TSPAN5: variants seen among roughly 807,000 people sequenced by gnomAD.
The protein encoded by TSPAN5 is tetraspanin 5.
A neutral mutation model predicts 37.1 loss-of-function variants in TSPAN5; 10 were observed. That is an observed-to-expected ratio of 0.27 (90% CI 0.17 to 0.46). The LOEUF is 0.46. TSPAN5 is among the 20% of genes least tolerant of loss of function. TSPAN5 has a pLI of 1.00. For missense variants in TSPAN5, 195 were observed against 326.6 expected (o/e 0.60, Z 3.11); for synonymous variants, 110 against 118.9 (o/e 0.93, Z 0.48).
chr4:98,609,564 TC>T (rs563762377), intron 1 of TSPAN5, among the ~76,000 whole-genome samples: 232 of 152,202 alleles, frequency 1.5e-3, no homozygotes, highest in African/African-American at 5.3e-3. Flanking sequence ...TGAAGGAAGC[TC>T]CCCACGAGCA....
intron 1 of TSPAN5, among the ~76,000 whole-genome samples, chr4:98,511,300 C>T (rs1450780699): frequency 6.6e-6 from 1 of 152,100 alleles, no homozygotes; most frequent in East Asian, 1.9e-4. Flanking sequence ...AAAGGGAATA[C>T]GTTCTGAGAA....
At chr4:98,474,093 T>C (rs1262116105) in intron 7 of TSPAN5, among the ~76,000 whole-genome samples, 2 of 152,262 alleles carry the variant, frequency 1.3e-5, no homozygotes, top group African/African-American at 4.8e-5. Context: ...GCTTTTGATG[T>C]CATATCTAAG....
intron 1 of TSPAN5, among the ~76,000 whole-genome samples, chr4:98,555,822 A>G (rs76562251): frequency 6.6e-6 from 1 of 152,190 alleles, no homozygotes. Flanking sequence ...TAATGACAAA[A>G]CAATAAACCA....
At position 98,505,101 on chromosome 4, in the gene TSPAN5, C is replaced by T. The variant is rs141537387; in HGVS notation, c.132+2577G>A. Among the ~76,000 whole-genome samples, 789 of 152,170 alleles carry T rather than the reference C, an allele frequency of 5.2e-3. 5 individuals carry two copies. The highest frequency in any genetic ancestry group is 0.018 in the African/African-American group (749 of 41,506). On this transcript the variant is annotated intron_variant, in intron 2 of 7. Coordinates refer to ENST00000305798, the MANE Select transcript of TSPAN5 (RefSeq NM_005723.4). The stretch of plus-strand genomic sequence containing the variant: ...TTACCTCCCCGCCAAAGCTTCACCT[C>T]CAAATATCATTACATTGGGGATGAG...
chr4:98,516,555 T>C (rs1753734265), intron 1 of TSPAN5, among the ~76,000 whole-genome samples: 1 of 152,230 alleles, frequency 6.6e-6, no homozygotes, highest in Admixed American at 6.5e-5. Context: ...GGGGGCATTC[T>C]GTTACATGCA....
At chr4:98,505,024 T>C (rs955763001) in intron 2 of TSPAN5, among the ~76,000 whole-genome samples, 2 of 152,084 alleles carry the variant, frequency 1.3e-5, no homozygotes, top group African/African-American at 4.8e-5. Flanking sequence ...TCTTCTGTTA[T>C]CAGAAGGGCA....
chr4:98,582,588 A>T (rs1003513006), intron 1 of TSPAN5, among the ~76,000 whole-genome samples: 7 of 152,208 alleles, frequency 4.6e-5, no homozygotes, highest in Non-Finnish European at 1.0e-4. Flanking sequence ...CTGTGATCTA[A>T]ACACTAGACT....
Position 98,471,950 on chromosome 4 carries a change from T to C in TSPAN5, c.*572A>G, listed in dbSNP as rs1291924152. On this transcript the variant is annotated 3_prime_UTR_variant, in exon 8 of 8. Transcript: ENST00000305798. ...GACCAAGTGTGCTCGCCCAAGTGAC[T>C]TGCTGAATACCATCACAAAATCTGA... 1.3e-5 allele frequency: 2 copies of C among 152,304 alleles called. No homozygotes were observed. The highest frequency in any genetic ancestry group is 2.9e-5 in the Non-Finnish European group (2 of 68,104). 9.4% of individuals were successfully genotyped at this position (152,304 alleles called of 1,614,324 possible). A position where few individuals can be genotyped will look rare whatever the true frequency, so the allele number is the denominator to read the frequency against.
intron 1 of TSPAN5, among the ~76,000 whole-genome samples, chr4:98,511,002 G>GA (rs1753593534): frequency 6.6e-6 from 1 of 152,078 alleles, no homozygotes; most frequent in African/African-American, 2.4e-5. Flanking sequence ...ACCTCCCAAA[G>GA]AAAAGACAAC....
intron 2 of TSPAN5, among the ~76,000 whole-genome samples, chr4:98,505,481 C>T (rs1420987522): frequency 2.6e-5 from 4 of 152,190 alleles, no homozygotes; most frequent in Non-Finnish European, 5.9e-5. Flanking sequence ...TTCCCCCATA[C>T]CCTGCAGATC....
chr4:98,607,843 T>A (rs1436464484), intron 1 of TSPAN5, among the ~76,000 whole-genome samples: 1 of 151,942 alleles, frequency 6.6e-6, no homozygotes, highest in Non-Finnish European at 1.5e-5. Context: ...CCTGAGTAGC[T>A]GGGATTACAA....
At chr4:98,481,747 C>A (rs960277591) in intron 4 of TSPAN5, among the ~76,000 whole-genome samples, 2 of 152,206 alleles carry the variant, frequency 1.3e-5, no homozygotes, top group African/African-American at 4.8e-5. Context: ...ATGATTATAA[C>A]GTTTTGCTCA....
Position 98,497,316 on chromosome 4 carries a change from CAAAAAAA to C in TSPAN5, c.132+10355_132+10361del, listed in dbSNP as rs398051229. On this transcript the variant is annotated intron_variant, in intron 2 of 7. Coordinates refer to ENST00000305798, the MANE Select transcript of TSPAN5 (RefSeq NM_005723.4). Reference sequence around the variant, plus strand: ...TGGGTGACACAGAGAGACTCCATCTCAAAAAAAAAAAAAAAAAAAGAAAAGGAAGAGA... The same window carrying C: ...TGGGTGACACAGAGAGACTCCATCTCAAAAAAAAAAAAGAAAAGGAAGAGA... 4.9e-5 allele frequency among the ~76,000 whole-genome samples: 5 copies of C among 101,854 alleles called. No individual in the cohort carries two copies. In the South Asian group the frequency reaches 1.4e-3, roughly 28 times the overall value. 66.8% of individuals were successfully genotyped at this position (101,854 alleles called of 152,430 possible).
chr4:98,621,611 G>A (rs1348013508), intron 1 of TSPAN5, among the ~76,000 whole-genome samples: 1 of 151,760 alleles, frequency 6.6e-6, no homozygotes, highest in Non-Finnish European at 1.5e-5. Flanking sequence ...CTCGTGATCC[G>A]CCCGCCTCAG....
chr4:98,650,054 G>A (rs1404378187), intron 1 of TSPAN5, among the ~76,000 whole-genome samples: 1 of 152,176 alleles, frequency 6.6e-6, no homozygotes, highest in East Asian at 1.9e-4. Context: ...GACTCTTTGA[G>A]ATGCTTACAA....
chr4:98,521,360 T>C (rs2110117600), intron 1 of TSPAN5, among the ~76,000 whole-genome samples: 1 of 152,320 alleles, frequency 6.6e-6, no homozygotes, highest in South Asian at 2.1e-4. Context: ...TTATAAAAGA[T>C]CGGAGTTCCC....
At chr4:98,493,505 A>G (rs1753130469) in intron 2 of TSPAN5, among the ~76,000 whole-genome samples, 1 of 152,234 alleles carries the variant, frequency 6.6e-6, no homozygotes, top group Admixed American at 6.5e-5. Flanking sequence ...TGAGATTCTG[A>G]ACAGTAGTAG....
Position 98,472,449 on chromosome 4 carries a change from G to C in TSPAN5, c.*73C>G. The C allele has an allele frequency of 7.2e-7, 1 of 1,380,110 alleles. No individual in the cohort carries two copies. The highest frequency in any genetic ancestry group is 1.0e-6 in the Non-Finnish European group (1 of 975,656). 85.5% of individuals were successfully genotyped at this position (1,380,110 alleles called of 1,614,324 possible). Reference sequence around the variant, plus strand: ...TGTGATTAGGTCCATGCAGCTCGAAGATCAGTTCGGCACGCGGGAGGGTCC... The same window carrying C: ...TGTGATTAGGTCCATGCAGCTCGAACATCAGTTCGGCACGCGGGAGGGTCC... On this transcript the variant is annotated 3_prime_UTR_variant, in exon 8 of 8. Coordinates refer to ENST00000305798, the MANE Select transcript of TSPAN5 (RefSeq NM_005723.4).
Position 98,585,102 on chromosome 4 carries a change from T to C in TSPAN5, c.81+73044A>G, listed in dbSNP as rs147555596. Among the ~76,000 whole-genome samples the C allele has an allele frequency of 1.3e-3, 197 of 152,322 alleles. 1 individual carries two copies. The highest frequency in any genetic ancestry group is 4.6e-3 in the African/African-American group (192 of 41,574). Reference sequence around the variant, plus strand: ...TGTTGAAAGAGCACTAGATCTGCAGTCAAAAAACCTAATTTTTAAAAAGTT... The same window carrying C: ...TGTTGAAAGAGCACTAGATCTGCAGCCAAAAAACCTAATTTTTAAAAAGTT... On this transcript the variant is annotated intron_variant, in intron 1 of 7. Coordinates refer to ENST00000305798, the MANE Select transcript of TSPAN5 (RefSeq NM_005723.4).
Sources: gnomAD v4.1 joint callset for allele counts (sites outside exome capture counted in the v4.1 genomes callset) on GRCh38, gnomAD v4.1.1 for gene constraint, MANE v1.5 for transcripts, NCBI Gene and HGNC (gene_info 2026-07-23, HGNC 2026-07-21) for gene names.